The following EEFSEC variants were observed in gnomAD, a reference collection of about 807,000 sequenced individuals.
EEFSEC encodes the protein selenocysteine-specific elongation factor.
In EEFSEC, 43 loss-of-function variants were observed where a neutral mutation model predicts 42.1. The ratio of observed to expected loss-of-function variants is 1.02; its 90% CI spans 0.80 to 1.32. The LOEUF is 1.32. Ranked by LOEUF, EEFSEC falls within the 40% of genes most tolerant of loss-of-function variation. The pLI is 0.00. For missense variants in EEFSEC, 745 were observed against 803.6 expected (o/e 0.93, Z 0.88); for synonymous variants, 354 against 339.1 (o/e 1.04, Z -0.48).
intron 1 of EEFSEC, among the ~76,000 whole-genome samples, chr3:128,157,635 A>G (rs1452098263): frequency 2.6e-5 from 4 of 152,240 alleles, no homozygotes; most frequent in Non-Finnish European, 4.4e-5. Context: ...AGCCTGGATG[A>G]CAGCACATCT....
chr3:128,365,299 G>C (rs939022330), intron 6 of EEFSEC, among the ~76,000 whole-genome samples: 1 of 152,202 alleles, frequency 6.6e-6, no homozygotes, highest in African/African-American at 2.4e-5. Flanking sequence ...CCACTCTCTG[G>C]TTTAGGAGAG....
At chr3:128,308,523 C>T (rs1395594915) in intron 4 of EEFSEC, among the ~76,000 whole-genome samples, 1 of 152,220 alleles carries the variant, frequency 6.6e-6, no homozygotes, top group African/African-American at 2.4e-5. Context: ...GCCATTTAAT[C>T]GCACAGCTAT....
At chr3:128,395,867 C>T (rs1011592085) in intron 6 of EEFSEC, among the ~76,000 whole-genome samples, 5 of 152,198 alleles carry the variant, frequency 3.3e-5, no homozygotes, top group Middle Eastern at 3.2e-3. Context: ...TGGAGAGAGC[C>T]GGGCCATGTG....
At chr3:128,406,851 C>CACATATATAT (rs1306384748) in intron 6 of EEFSEC, among the ~76,000 whole-genome samples, 1 of 150,970 alleles carries the variant, frequency 6.6e-6, no homozygotes, top group East Asian at 1.9e-4. Flanking sequence ...TATATATATA[C>CACATATATAT]ACATATATAT....
chr3:128,366,140 G>T (rs1326744849), intron 6 of EEFSEC, among the ~76,000 whole-genome samples: 3 of 152,226 alleles, frequency 2.0e-5, no homozygotes, highest in Admixed American at 2.0e-4. Context: ...TGCAGGAGTT[G>T]GGGACACACC....
chr3:128,184,379 C>A (rs1231081945), intron 1 of EEFSEC, among the ~76,000 whole-genome samples: 1 of 152,202 alleles, frequency 6.6e-6, no homozygotes, highest in Non-Finnish European at 1.5e-5. Context: ...CACCGCCATT[C>A]TATTCTCTCT....
intron 1 of EEFSEC, among the ~76,000 whole-genome samples, chr3:128,237,012 A>G (rs1056344034): frequency 3.3e-5 from 5 of 152,090 alleles, no homozygotes; most frequent in African/African-American, 1.2e-4. Context: ...CCAGCCACCA[A>G]CTCTACGTCT....
the EEFSEC span, among the ~76,000 whole-genome samples, chr3:128,420,140 AACAG>A: frequency 3.3e-5 from 5 of 152,140 alleles, no homozygotes; most frequent in Non-Finnish European, 5.9e-5. Flanking sequence ...ACAAAGAGAA[AACAG>A]ACAGAGAGTC....
chr3:128,349,644 AG>A, intron 5 of EEFSEC, among the ~76,000 whole-genome samples: 1 of 152,308 alleles, frequency 6.6e-6, no homozygotes, highest in Non-Finnish European at 1.5e-5. Flanking sequence ...GTCTCACCAT[AG>A]CCCTCTTTGC....
At chr3:128,154,897 C>T (rs1404552871) in intron 1 of EEFSEC, among the ~76,000 whole-genome samples, 2 of 152,144 alleles carry the variant, frequency 1.3e-5, no homozygotes, top group Non-Finnish European at 2.9e-5. Flanking sequence ...CTGGCTGGGG[C>T]AAGGGGCATG....
chr3:128,189,041 G>T (rs2107800782), intron 1 of EEFSEC, among the ~76,000 whole-genome samples: 1 of 152,270 alleles, frequency 6.6e-6, no homozygotes, highest in Middle Eastern at 3.4e-3. Flanking sequence ...CATGGGGGGG[G>T]CTCCCAAAGT....
intron 4 of EEFSEC, among the ~76,000 whole-genome samples, chr3:128,292,962 T>C (rs1227616111): frequency 6.6e-6 from 1 of 152,244 alleles, no homozygotes; most frequent in Non-Finnish European, 1.5e-5. Context: ...TTTAGCTTTA[T>C]TTCAATGATG....
chr3:128,226,061 G>A (rs1012538135), intron 1 of EEFSEC, among the ~76,000 whole-genome samples: 8 of 152,232 alleles, frequency 5.3e-5, no homozygotes, highest in Non-Finnish European at 4.4e-5. Flanking sequence ...CGGGGCAGGA[G>A]CTCAGGGGCT....
At chr3:128,328,669 T>C (rs1037467111) in intron 4 of EEFSEC, among the ~76,000 whole-genome samples, 1 of 152,214 alleles carries the variant, frequency 6.6e-6, no homozygotes, top group Non-Finnish European at 1.5e-5. Flanking sequence ...AGGGCTTTTA[T>C]GCCATATTGG....
At chr3:128,380,230 C>G (rs952472006) in intron 6 of EEFSEC, among the ~76,000 whole-genome samples, 3 of 152,196 alleles carry the variant, frequency 2.0e-5, no homozygotes, top group Non-Finnish European at 2.9e-5. Flanking sequence ...ACAGAGACTG[C>G]CCAGGAGCAC....
chr3:128,208,693 T>C (rs766334937), intron 1 of EEFSEC, among the ~76,000 whole-genome samples: 1 of 152,220 alleles, frequency 6.6e-6, no homozygotes, highest in Non-Finnish European at 1.5e-5. Flanking sequence ...AGTTGGTTGA[T>C]GTTTAGGAGC....
In EEFSEC at chr3:128,408,126, G is replaced by C. The variant is rs376674260; in HGVS notation, c.1658G>C (p.Arg553Pro). 6 of 1,610,248 alleles carry C rather than the reference G, an allele frequency of 3.7e-6. No individual in the cohort carries two copies. Among genetic ancestry groups the C allele is most frequent in the African/African-American group, 1.3e-5 (1 of 74,910 alleles). The change falls in exon 7 of 7, where the codon CGG becomes CCG. Residue 553 changes from arginine to proline, a missense_variant. By Grantham distance (103) the Arg-to-Pro change is moderately radical. Coordinates refer to ENST00000254730, the MANE Select transcript of EEFSEC (RefSeq NM_021937.5). ...ILTPALKKRA[R>P]AGRGEATRQE... Reference sequence around the variant, plus strand: ...ACACCCGCCCTCAAGAAGCGGGCCCGGGCTGGCCGTGGGGAGGCCACCAGG... The same window carrying C: ...ACACCCGCCCTCAAGAAGCGGGCCCCGGCTGGCCGTGGGGAGGCCACCAGG...
chr3:128,365,209 C>G (rs911789314), intron 6 of EEFSEC, among the ~76,000 whole-genome samples: 1 of 152,202 alleles, frequency 6.6e-6, no homozygotes, highest in African/African-American at 2.4e-5. Flanking sequence ...AGAGGTGAAA[C>G]AAGGCCTGGG....
intron 4 of EEFSEC, among the ~76,000 whole-genome samples, chr3:128,336,735 G>A (rs140109177): frequency 1.3e-5 from 2 of 152,290 alleles, no homozygotes; most frequent in African/African-American, 2.4e-5. Context: ...CCAGTTGTTC[G>A]CTCTCATACA....
Sources: gnomAD v4.1 joint callset for allele counts (sites outside exome capture counted in the v4.1 genomes callset) on GRCh38, gnomAD v4.1.1 for gene constraint, MANE v1.5 for transcripts, NCBI Gene and HGNC (gene_info 2026-07-23, HGNC 2026-07-21) for gene names.